The following TAS2R4 variants were observed in gnomAD, a reference collection of about 807,000 sequenced individuals.
TAS2R4 encodes the protein taste 2 receptor member 4.
A neutral mutation model predicts 14.3 loss-of-function variants in TAS2R4; 18 were observed. The observed-to-expected ratio is 1.26, with a 90% CI of 0.87 to 1.86. The LOEUF (loss-of-function observed/expected upper bound fraction) is 1.86. Ranked by LOEUF, TAS2R4 falls within the 40% of genes most tolerant of loss-of-function variation. The probability of loss-of-function intolerance (pLI) is 0.00; values close to 1 mark genes in which losing one functional copy is unlikely to be tolerated. For missense variants in TAS2R4, 306 were observed against 342.7 expected (o/e 0.89, Z 0.85); for synonymous variants, 130 against 138.5 (o/e 0.94, Z 0.43).
In TAS2R4 at chr7:141,778,537, A is replaced by C. The variant is rs1219508003; in HGVS notation, c.49A>C (p.Asn17His). Reference sequence around the variant, plus strand: ...TGCTATTATTGCCTCAGTTATTTTAAATTTTGTAGGAATCATTATGAATCT... The same window carrying C: ...TGCTATTATTGCCTCAGTTATTTTACATTTTGTAGGAATCATTATGAATCT... ...FSAIIASVIL[N>H]FVGIIMNLFI... is the part of the protein sequence containing the mutation. The change falls in exon 1 of 1, where the codon AAT becomes CAT. Residue 17 changes from asparagine (N) to histidine (H), a missense_variant. Transcript: ENST00000247881. 1.2e-5 allele frequency: 20 copies of C among 1,613,770 alleles called. No individual in the cohort carries two copies. Among genetic ancestry groups the C allele is most frequent in the Non-Finnish European group, 1.6e-5 (19 of 1,179,978 alleles).
rs202000923 is a variant in TAS2R4, at chr7:141,778,672, T to C, written c.184T>C (p.Phe62Leu). The change falls in exon 1 of 1, where the codon TTT becomes CTT. Residue 62 changes from phenylalanine to leucine, a missense_variant. Transcript: ENST00000247881. The stretch of plus-strand genomic sequence containing the variant: ...CACCAGGTTTCTTATGCTGGGACTA[T>C]TTCTGGTGAACACCATCTACTTCGT... ...GITRFLMLGL[F>L]LVNTIYFVSS... The C allele has an allele frequency of 6.8e-6, 11 of 1,614,112 alleles. No individual in the cohort carries two copies. In the African/African-American group the frequency reaches 9.3e-5, roughly 14 times the overall value.
rs1800314932 is a variant in TAS2R4 at position 141,781,106 on chromosome 7, A to G, written c.*1718A>G. 6.6e-6 allele frequency among the ~76,000 whole-genome samples: 1 copy of G among 152,170 alleles called. No homozygotes were observed. The highest frequency in any genetic ancestry group is 1.5e-5 in the Non-Finnish European group (1 of 68,034). Reference sequence around the variant, plus strand: ...GCAGCAAATTCCATTATTGCCATGTATGTGAGCAGAAAAGATGTATATAAT... The same window carrying G: ...GCAGCAAATTCCATTATTGCCATGTGTGTGAGCAGAAAAGATGTATATAAT... On this transcript the variant is annotated 3_prime_UTR_variant, in exon 1 of 1. Transcript: ENST00000247881.
rs898679476 is a variant in TAS2R4, at chr7:141,777,396, C to G, written c.-1093C>G. Among the ~76,000 whole-genome samples the G allele has an allele frequency of 6.6e-6, 1 of 152,170 alleles. No individual in the cohort carries two copies. ...TTGGACTTGGCAGTAGGACTTTGTG[C>G]TGTACCTTGATGCTACTTTGGTAAC... On this transcript the variant is annotated 5_prime_UTR_variant, in exon 1 of 1. Coordinates refer to ENST00000247881, the MANE Select transcript of TAS2R4 (RefSeq NM_016944.2).
rs990842268 is a variant in TAS2R4, at chr7:141,779,385, A to G, written c.897A>G (p.Lys299=). 1 of 1,593,568 alleles carries G rather than the reference A, an allele frequency of 6.3e-7. No individual in the cohort carries two copies. The highest frequency in any genetic ancestry group is 1.1e-5 in the South Asian group (1 of 88,882). The change falls in exon 1 of 1, where the codon AAA becomes AAG. Residue 299 remains lysine, a synonymous_variant. Coordinates refer to ENST00000247881, the MANE Select transcript of TAS2R4 (RefSeq NM_016944.2). ...CAAAGAAGATTCTTTGTTTCAAAAA[A>G]TAGTGGAATTTCAGTAAACAATACC... ...TTAKKILCFK[K]
rs2234002 is a variant in TAS2R4 at position 141,779,000 on chromosome 7, G to A, written c.512G>A (p.Ser171Asn). The change falls in exon 1 of 1, where the codon AGT (serine) becomes AAT (asparagine). Residue 171 changes from serine (S) to asparagine (N), a missense_variant. Physicochemically the swap from Ser to Asn is conservative, Grantham distance 46 (BLOSUM62 1). Coordinates refer to ENST00000247881, the MANE Select transcript of TAS2R4 (RefSeq NM_016944.2). ...TTRNNTSFNI[S>N]EGILSLVVSL... ...AGAAATAACACATCATTTAATATCA[G>A]TGAGGGCATCTTGTCTTTAGTGGTT... is the stretch of plus-strand genomic sequence containing the variant. 798,480 of 1,613,904 alleles carry A rather than the reference G, an allele frequency of 0.49. 201,982 individuals are homozygous for A. Among genetic ancestry groups the A allele is most frequent in the East Asian group, 0.77 (34,435 of 44,866 alleles).
At position 141,779,164 on chromosome 7, in the gene TAS2R4, G is replaced by A. The variant is rs142311564; in HGVS notation, c.676G>A (p.Val226Ile). Residue 226 changes from valine to isoleucine, a missense_variant, in exon 1 of 1, where the codon GTA (valine) becomes ATA (isoleucine). By Grantham distance (29) the Val-to-Ile change is conservative. Coordinates refer to ENST00000247881, the MANE Select transcript of TAS2R4 (RefSeq NM_016944.2). ...GFWNPQTEAH[V>I]GAMKLMVYFL... is the part of the protein sequence containing the mutation. ...CTGGAATCCCCAGACGGAAGCTCAT[G>A]TAGGTGCTATGAAGCTGATGGTCTA... 311 of 1,614,166 alleles carry A rather than the reference G, an allele frequency of 1.9e-4. 1 individual carries two copies. In the African/African-American group the frequency reaches 3.7e-3, roughly 19 times the overall value.
rs1800289792 is a variant in TAS2R4, at chr7:141,779,192, T to C, written c.704T>C (p.Phe235Ser). 1 of 1,614,058 alleles carries C rather than the reference T, an allele frequency of 6.2e-7. No individual in the cohort carries two copies. Among genetic ancestry groups the C allele is most frequent in the Admixed American group, 1.7e-5 (1 of 60,006 alleles). The change falls in exon 1 of 1, where the codon TTC (phenylalanine) becomes TCC (serine). Residue 235 changes from phenylalanine to serine, a missense_variant. By Grantham distance (155) the Phe-to-Ser change is radical. Coordinates refer to ENST00000247881, the MANE Select transcript of TAS2R4 (RefSeq NM_016944.2). The stretch of plus-strand genomic sequence containing the variant: ...GGTGCTATGAAGCTGATGGTCTATT[T>C]CCTCATCCTCTACATTCCATATTCA... ...HVGAMKLMVYFLILYIPYSVA... is the reference protein window; with the variant it reads ...HVGAMKLMVYSLILYIPYSVA...
Position 141,780,504 on chromosome 7 carries a change from C to T in TAS2R4, c.*1116C>T, listed in dbSNP as rs909461224. 1.3e-5 allele frequency: 2 copies of T among 152,168 alleles called. No homozygotes were observed. The highest frequency in any genetic ancestry group is 2.4e-5 in the African/African-American group (1 of 41,420). The allele number at this position is 152,168 out of a possible 1,614,324, so 9.4% of individuals were successfully genotyped here. A position where few individuals can be genotyped will look rare whatever the true frequency, so the allele number is the denominator to read the frequency against. On this transcript the variant is annotated 3_prime_UTR_variant, in exon 1 of 1. Transcript: ENST00000247881. ...CAAATTTACAAAATACTGTACTTCA[C>T]CATAGGCTATGGAACTCAGTGGAAA...
Position 141,778,711 on chromosome 7 carries a change from G to T in TAS2R4, c.223G>T (p.Glu75Ter), listed in dbSNP as rs1386907294. The part of the protein sequence containing the change: ...NTIYFVSSNT[E>*]RSVYLSAFFV... The stretch of plus-strand genomic sequence containing the variant: ...CATCTACTTCGTCTCTTCAAATACG[G>T]AAAGGTCAGTCTACCTGTCTGCTTT... The change falls in exon 1 of 1, where the codon GAA becomes TAA. Residue 75 changes from glutamate to a stop codon, truncating the protein, a stop_gained. Transcript: ENST00000247881. LOFTEE classifies it high-confidence loss of function. The T allele has an allele frequency of 6.2e-7, 1 of 1,614,066 alleles. No individual in the cohort carries two copies. The highest frequency in any genetic ancestry group is 8.5e-7 in the Non-Finnish European group (1 of 1,180,048).
Position 141,778,226 on chromosome 7 carries a change from C to G in TAS2R4, c.-263C>G, listed in dbSNP as rs1347684666. Among the ~76,000 whole-genome samples, 2 of 152,110 alleles carry G rather than the reference C, an allele frequency of 1.3e-5. No homozygotes were observed. The highest frequency in any genetic ancestry group is 2.9e-5 in the Non-Finnish European group (2 of 68,014). Reference sequence around the variant, plus strand: ...CCTCCTGCTCTTGGAGGAGTGGACTCCCAGCATCACCTAGGCTTGCTGTAA... The same window carrying G: ...CCTCCTGCTCTTGGAGGAGTGGACTGCCAGCATCACCTAGGCTTGCTGTAA... On this transcript the variant is annotated 5_prime_UTR_variant, in exon 1 of 1. Coordinates refer to ENST00000247881, the MANE Select transcript of TAS2R4 (RefSeq NM_016944.2).
Position 141,780,815 on chromosome 7 carries a change from A to G in TAS2R4, c.*1427A>G, listed in dbSNP as rs923475966. On this transcript the variant is annotated 3_prime_UTR_variant, in exon 1 of 1. Transcript: ENST00000247881. ...TCAAATAAATCTTAAAATTTTATAA[A>G]TTACATGACTTTTCTCATTCTGGCC... 1.3e-5 allele frequency: 2 copies of G among 152,158 alleles called. No individual in the cohort carries two copies. Among genetic ancestry groups the G allele is most frequent in the African/African-American group, 4.8e-5 (2 of 41,442 alleles). 9.4% of individuals were successfully genotyped at this position (152,158 alleles called of 1,614,324 possible). A position where few individuals can be genotyped will look rare whatever the true frequency, so the allele number is the denominator to read the frequency against.
rs1800249480 is a variant in TAS2R4 at position 141,776,865 on chromosome 7, T to A, written c.-1624T>A. On this transcript the variant is annotated 5_prime_UTR_variant, in exon 1 of 1. Coordinates refer to ENST00000247881, the MANE Select transcript of TAS2R4 (RefSeq NM_016944.2). ...GGAAATAACTTCTAACTGAATGAGC[T>A]CATTCATTGATTGTGCTAGCCAACC... Among the ~76,000 whole-genome samples the A allele has an allele frequency of 1.3e-5, 2 of 152,162 alleles. No individual in the cohort carries two copies. Among genetic ancestry groups the A allele is most frequent in the Non-Finnish European group, 2.9e-5 (2 of 68,022 alleles).
chr7:141,779,165 T>C lies in TAS2R4; in HGVS notation c.677T>C (p.Val226Ala), dbSNP rs1165972369. The C allele has an allele frequency of 6.2e-7, 1 of 1,614,062 alleles. No individual in the cohort carries two copies. Among genetic ancestry groups the C allele is most frequent in the Non-Finnish European group, 8.5e-7 (1 of 1,179,998 alleles). Reference protein sequence around the residue: ...GFWNPQTEAHVGAMKLMVYFL... With the variant: ...GFWNPQTEAHAGAMKLMVYFL... ...TGGAATCCCCAGACGGAAGCTCATGTAGGTGCTATGAAGCTGATGGTCTAT... is the reference window on the plus strand; with the variant it reads ...TGGAATCCCCAGACGGAAGCTCATGCAGGTGCTATGAAGCTGATGGTCTAT... Residue 226 changes from valine to alanine, a missense_variant, in exon 1 of 1, where the codon GTA becomes GCA. Coordinates refer to ENST00000247881, the MANE Select transcript of TAS2R4 (RefSeq NM_016944.2).
chr7:141,779,522 G>A lies in TAS2R4; in HGVS notation c.*134G>A. ...TGACATCATAGGCTTTTGAGTGCCT[G>A]AATTTCAGTTCATTCTGTAATTTTT... is the stretch of plus-strand genomic sequence containing the variant. On this transcript the variant is annotated 3_prime_UTR_variant, in exon 1 of 1. Transcript: ENST00000247881. 3.6e-6 allele frequency: 3 copies of A among 833,814 alleles called. No individual in the cohort carries two copies. Among genetic ancestry groups the A allele is most frequent in the South Asian group, 3.2e-5 (1 of 31,048 alleles). 51.7% of individuals were successfully genotyped at this position (833,814 alleles called of 1,614,324 possible).
Position 141,778,872 on chromosome 7 carries a change from G to A in TAS2R4, c.384G>A (p.Lys128=). ...FLLLKRNISP[K]IPRLLLACVL... ...TGCTGAAGCGGAATATCTCCCCAAA[G>A]ATCCCCAGGCTGCTGCTGGCCTGTG... is the stretch of plus-strand genomic sequence containing the variant. The change falls in exon 1 of 1, where the codon AAG becomes AAA. Residue 128 remains lysine, a synonymous_variant. Transcript: ENST00000247881. 6.2e-7 allele frequency: 1 copy of A among 1,614,220 alleles called. No individual in the cohort carries two copies. Among genetic ancestry groups the A allele is most frequent in the Non-Finnish European group, 8.5e-7 (1 of 1,180,044 alleles).
rs1189664788 is a variant in TAS2R4, at chr7:141,780,866, G to A, written c.*1478G>A. On this transcript the variant is annotated 3_prime_UTR_variant, in exon 1 of 1. Transcript: ENST00000247881. ...ACCAGAATCTTGACTGCAATATTCA[G>A]TAAAAATTACCCAAGCCAATATTTT... The A allele has an allele frequency of 6.6e-6, 1 of 152,052 alleles. No individual in the cohort carries two copies. Among genetic ancestry groups the A allele is most frequent in the Non-Finnish European group, 1.5e-5 (1 of 68,020 alleles). 9.4% of individuals were successfully genotyped at this position (152,052 alleles called of 1,614,324 possible).
In TAS2R4 at chr7:141,781,186, T is replaced by G. The variant is rs541752667; in HGVS notation, c.*1798T>G. Reference sequence around the variant, plus strand: ...CTTCCCTTCTTTAATCTTTTCTTTGTTACTCCCTCCATGAGCTGGAATGCT... The same window carrying G: ...CTTCCCTTCTTTAATCTTTTCTTTGGTACTCCCTCCATGAGCTGGAATGCT... On this transcript the variant is annotated 3_prime_UTR_variant, in exon 1 of 1. Coordinates refer to ENST00000247881, the MANE Select transcript of TAS2R4 (RefSeq NM_016944.2). Among the ~76,000 whole-genome samples, 1 of 152,234 alleles carries G rather than the reference T, an allele frequency of 6.6e-6. No homozygotes were observed. Among genetic ancestry groups the G allele is most frequent in the Admixed American group, 6.5e-5 (1 of 15,286 alleles).
rs1337973868 is a variant in TAS2R4, at chr7:141,778,607, G to A, written c.119G>A (p.Arg40Lys). 6.2e-7 allele frequency: 1 copy of A among 1,614,086 alleles called. No homozygotes were observed. Among genetic ancestry groups the A allele is most frequent in the Non-Finnish European group, 8.5e-7 (1 of 1,180,044 alleles). ...VNCKTWVKSH[R>K]ISSSDRILFS... is the part of the protein sequence containing the mutation. The stretch of plus-strand genomic sequence containing the variant: ...TGCAAAACTTGGGTCAAAAGCCATA[G>A]AATCTCCTCTTCTGATAGGATTCTG... The change falls in exon 1 of 1, where the codon AGA becomes AAA. Residue 40 changes from arginine (R) to lysine (K), a missense_variant. Transcript: ENST00000247881.
chr7:141,779,340 T>G lies in TAS2R4; in HGVS notation c.852T>G (p.His284Gln). The change falls in exon 1 of 1, where the codon CAT becomes CAG. Residue 284 changes from histidine to glutamine, a missense_variant. Coordinates refer to ENST00000247881, the MANE Select transcript of TAS2R4 (RefSeq NM_016944.2). ...ATTCTGTTCTCATTATTATCACACA[T>G]CCTAAACTGAAAACAACAGCAAAGA... ...PGHSVLIIIT[H>Q]PKLKTTAKKI... The G allele has an allele frequency of 6.2e-7, 1 of 1,611,892 alleles. No homozygotes were observed. The highest frequency in any genetic ancestry group is 8.5e-7 in the Non-Finnish European group (1 of 1,178,998).
Sources: allele counts gnomAD v4.1 joint callset (sites outside exome capture counted in the v4.1 genomes callset), GRCh38; gene constraint gnomAD v4.1.1; transcripts MANE v1.5; gene names NCBI Gene and HGNC (gene_info 2026-07-23, HGNC 2026-07-21).